The following TBC1D5 variants were observed in gnomAD, a reference collection of about 807,000 sequenced individuals.
TBC1D5 encodes TBC1 domain family member 5.
A neutral mutation model predicts 100.3 loss-of-function variants in TBC1D5; 75 were observed. The ratio of observed to expected loss-of-function variants is 0.75; its 90% confidence interval spans 0.62 to 0.91. The LOEUF is 0.91. TBC1D5 is among the 40% of genes least tolerant of loss of function. TBC1D5 has a pLI of 0.00. For missense variants in TBC1D5, 910 were observed against 942.4 expected, an observed-to-expected ratio of 0.97 and a Z score of 0.45; for synonymous variants, 323 against 325.6, an observed-to-expected ratio of 0.99 and a Z score of 0.09.
intron 1 of TBC1D5, among the ~76,000 whole-genome samples, chr3:17,735,055 T>C (rs921720755): frequency 2.0e-5 from 3 of 152,148 alleles, no homozygotes; most frequent in Admixed American, 2.0e-4. Flanking sequence ...ATCGTGCCAC[T>C]GCATTCCAGC....
intron 4 of TBC1D5, among the ~76,000 whole-genome samples, chr3:17,427,592 T>C (rs1270981658): frequency 1.3e-5 from 2 of 151,990 alleles, no homozygotes; most frequent in Non-Finnish European, 2.9e-5. Context: ...GGTTCTTGCA[T>C]ATATTTTATA....
At chr3:17,347,448 T>C (rs1457042945) in intron 13 of TBC1D5, among the ~76,000 whole-genome samples, 1 of 152,122 alleles carries the variant, frequency 6.6e-6, no homozygotes, top group East Asian at 1.9e-4. Context: ...TCAATATAGA[T>C]AATTGAGAAC....
In TBC1D5 at chr3:17,204,391, A is replaced by C. The variant is rs1033827182; in HGVS notation, c.1752+9816T>G. Among the ~76,000 whole-genome samples, 5 of 152,256 alleles carry C rather than the reference A, an allele frequency of 3.3e-5. No individual in the cohort carries two copies. The East Asian group carries it at 9.6e-4, about 29-fold the overall frequency. ...ATATACAAATGTCAAGTTTCAAGAAAGGTCACTAGAAAGAAGCAAACGCTA... is the reference window on the plus strand; with the variant it reads ...ATATACAAATGTCAAGTTTCAAGAACGGTCACTAGAAAGAAGCAAACGCTA... On this transcript the variant is annotated intron_variant, in intron 18 of 21. Transcript: ENST00000253692.
At chr3:17,403,325 A>G (rs1390885159) in intron 7 of TBC1D5, 77 bp from the exon 8 acceptor site, 6 of 980,448 alleles carry the variant, frequency 6.1e-6, no homozygotes, top group Non-Finnish European at 8.6e-6. Flanking sequence ...TAATAATGTA[A>G]ATGGTTAAAA....
At chr3:17,641,870 A>T (rs2153697836) in intron 1 of TBC1D5, among the ~76,000 whole-genome samples, 1 of 152,298 alleles carries the variant, frequency 6.6e-6, no homozygotes, top group South Asian at 2.1e-4. Context: ...ACAGGAAGCT[A>T]GTCCTGATTA....
intron 18 of TBC1D5, among the ~76,000 whole-genome samples, chr3:17,189,579 A>G (rs1174874474): frequency 1.3e-5 from 2 of 152,132 alleles, no homozygotes; most frequent in African/African-American, 4.8e-5. Flanking sequence ...TAACATGTTT[A>G]CTCTTCACAC....
At chr3:17,531,474 G>GA in intron 2 of TBC1D5, among the ~76,000 whole-genome samples, 1 of 152,226 alleles carries the variant, frequency 6.6e-6, no homozygotes, top group African/African-American at 2.4e-5. Context: ...CACAGAATTG[G>GA]AAAAAACTAC....
exon 22 of TBC1D5, chr3:17,161,094 A>C: frequency 1.2e-6 from 2 of 1,614,232 alleles, no homozygotes; most frequent in East Asian, 4.5e-5. Flanking sequence ...AGTGGGGAGC[A>C]GACTGGGGCC....
intron 3 of TBC1D5, among the ~76,000 whole-genome samples, chr3:17,440,953 T>C (rs991407773): frequency 6.6e-6 from 1 of 152,122 alleles, no homozygotes; most frequent in African/African-American, 2.4e-5. Flanking sequence ...AAAAGATTCG[T>C]TTTTAAGTGG....
intron 13 of TBC1D5, among the ~76,000 whole-genome samples, chr3:17,329,347 A>G (rs1178821004): frequency 6.6e-6 from 1 of 152,224 alleles, no homozygotes; most frequent in African/African-American, 2.4e-5. Context: ...ATGTTCAGGT[A>G]CAAATAAATA....
chr3:17,550,310 A>C (rs1230074641), intron 2 of TBC1D5, among the ~76,000 whole-genome samples: 1 of 152,170 alleles, frequency 6.6e-6, no homozygotes, highest in African/African-American at 2.4e-5. Flanking sequence ...GCCATTTAAG[A>C]ATACTGATTT....
At chr3:17,445,323 T>C (rs1208644842) in intron 3 of TBC1D5, among the ~76,000 whole-genome samples, 1 of 152,144 alleles carries the variant, frequency 6.6e-6, no homozygotes, top group Non-Finnish European at 1.5e-5. Context: ...AGGCTTTTTT[T>C]CTTAAAGAGG....
chr3:17,238,763 C>T lies in TBC1D5; in HGVS notation c.1332-344G>A, dbSNP rs142840537. 3.0e-3 allele frequency among the ~76,000 whole-genome samples: 464 copies of T among 152,218 alleles called. 3 individuals carry two copies. The highest frequency in any genetic ancestry group is 0.01 in the African/African-American group (423 of 41,516). On this transcript the variant is annotated intron_variant, in intron 16 of 21. Coordinates refer to ENST00000253692, the Ensembl canonical transcript of TBC1D5. Reference sequence around the variant, plus strand: ...AAGAAGTATATTAATCAAATAATCACATAAATAAATATATGCTTAAAACCT... The same window carrying T: ...AAGAAGTATATTAATCAAATAATCATATAAATAAATATATGCTTAAAACCT...
intron 3 of TBC1D5, among the ~76,000 whole-genome samples, chr3:17,497,883 C>CT (rs565783404): frequency 1.2e-3 from 180 of 151,840 alleles, no homozygotes; most frequent in African/African-American, 4.0e-3. Context: ...GCTAGTTGAG[C>CT]TTTTTTTTCC....
At chr3:17,429,071 C>G (rs936644192) in intron 3 of TBC1D5, among the ~76,000 whole-genome samples, 1 of 151,796 alleles carries the variant, frequency 6.6e-6, no homozygotes, top group Non-Finnish European at 1.5e-5. Flanking sequence ...CTTTAGGTTT[C>G]AACTGTCAAA....
At chr3:17,456,375 G>T (rs2095085022) in intron 3 of TBC1D5, among the ~76,000 whole-genome samples, 1 of 152,118 alleles carries the variant, frequency 6.6e-6, no homozygotes, top group African/African-American at 2.4e-5. Flanking sequence ...CCACATAATA[G>T]GAGAAAATAT....
At chr3:17,505,795 C>T (rs938102319) in intron 3 of TBC1D5, among the ~76,000 whole-genome samples, 1 of 152,030 alleles carries the variant, frequency 6.6e-6, no homozygotes, top group African/African-American at 2.4e-5. Flanking sequence ...AGTTATTAAA[C>T]TTTGATCATA....
At chr3:17,302,671 G>T (rs2082978789) in intron 14 of TBC1D5, among the ~76,000 whole-genome samples, 1 of 152,144 alleles carries the variant, frequency 6.6e-6, no homozygotes, top group South Asian at 2.1e-4. Context: ...GATGATCATA[G>T]ACCCTTTGAT....
At chr3:17,441,577 GAGGATAAGAATAC>G (rs2094657437) in intron 3 of TBC1D5, among the ~76,000 whole-genome samples, 1 of 152,186 alleles carries the variant, frequency 6.6e-6, no homozygotes, top group Admixed American at 6.5e-5. Context: ...ACTATGAGAT[GAGGATAAGAATAC>G]AGGATAAGAA....
Sources: gnomAD v4.1 joint callset for allele counts (sites outside exome capture counted in the v4.1 genomes callset) on GRCh38, gnomAD v4.1.1 for gene constraint, MANE v1.5 for transcripts, NCBI Gene and HGNC (gene_info 2026-07-23, HGNC 2026-07-21) for gene names.